Variants in CSGALNACT1 observed in about 807,000 individuals in gnomAD.
The protein encoded by CSGALNACT1 is chondroitin sulfate N-acetylgalactosaminyltransferase 1.
A neutral mutation model predicts 51.0 loss-of-function variants in CSGALNACT1; 52 were observed. That is an observed-to-expected ratio of 1.02 (90% CI 0.82 to 1.29). CSGALNACT1 has a LOEUF of 1.29. Among genes scored for constraint, CSGALNACT1 ranks in the 50% most tolerant of loss-of-function variants. The pLI is 0.00. For synonymous variants in CSGALNACT1, 341 were observed against 254.4 expected (o/e 1.34, Z -3.24); for missense variants, 935 against 679.2 (o/e 1.38, Z -4.19).
At chr8:19,503,362 G>A (rs112964802) in intron 4 of CSGALNACT1, among the ~76,000 whole-genome samples, 4 of 152,184 alleles carry the variant, frequency 2.6e-5, no homozygotes, top group Non-Finnish European at 5.9e-5. Context: ...CAAGAGGCTG[G>A]TGTCACTGCT....
At chr8:19,415,851 G>A (rs4617172) in intron 8 of CSGALNACT1, among the ~76,000 whole-genome samples, 77,659 of 152,060 alleles carry the variant, frequency 0.51, 20,437 homozygotes, top group East Asian at 0.83. Context: ...GAAAGGAAGC[G>A]AGAAGTTTCT....
At chr8:19,429,068 C>T (rs2059258293) in intron 6 of CSGALNACT1, among the ~76,000 whole-genome samples, 1 of 152,110 alleles carries the variant, frequency 6.6e-6, no homozygotes. Flanking sequence ...GTTCTAATCC[C>T]CTCATATCCC....
chr8:19,618,636 AAAAAAAAAAAAAAAAAAAAAG>A (rs2053380744), intron 1 of CSGALNACT1, among the ~76,000 whole-genome samples: 1 of 129,892 alleles, frequency 7.7e-6, no homozygotes, highest in African/African-American at 3.7e-5. Context: ...CATCAAAAAA[AAAAAAAAAAAAAAAAAAAAAG>A]AAAGAAAGAA....
intron 1 of CSGALNACT1, among the ~76,000 whole-genome samples, chr8:19,627,258 C>G (rs1323067283): frequency 6.6e-6 from 1 of 152,090 alleles, no homozygotes; most frequent in Non-Finnish European, 1.5e-5. Flanking sequence ...ATGGATGGAT[C>G]TCAAGATTAT....
intron 3 of CSGALNACT1, among the ~76,000 whole-genome samples, chr8:19,521,139 A>G (rs775261316): frequency 2.0e-4 from 30 of 152,162 alleles, no homozygotes; most frequent in Non-Finnish European, 3.5e-4. Context: ...ATGAAATTTC[A>G]TCCTATAGGT....
At chr8:19,729,681 A>G (rs1201075027) in intron 1 of CSGALNACT1, among the ~76,000 whole-genome samples, 1 of 152,194 alleles carries the variant, frequency 6.6e-6, no homozygotes, top group Non-Finnish European at 1.5e-5. Context: ...CCTGGCCCAG[A>G]AATAATCTGC....
intron 7 of CSGALNACT1, among the ~76,000 whole-genome samples, 166 bp downstream of exon 6, chr8:19,420,174 C>T (rs1411391597): frequency 6.6e-6 from 1 of 152,160 alleles, no homozygotes; most frequent in Non-Finnish European, 1.5e-5. Context: ...TCTTTATTAG[C>T]CGCGTGAGAA....
chr8:19,531,052 T>C (rs1474013489), intron 3 of CSGALNACT1, among the ~76,000 whole-genome samples: 1 of 151,640 alleles, frequency 6.6e-6, no homozygotes, highest in Admixed American at 6.5e-5. Context: ...CGTGGTTTCT[T>C]GCTAAGGCTT....
At chr8:19,560,583 A>T (rs1261166160) in intron 3 of CSGALNACT1, among the ~76,000 whole-genome samples, 1 of 152,228 alleles carries the variant, frequency 6.6e-6, no homozygotes, top group African/African-American at 2.4e-5. Context: ...CTTCACACAC[A>T]CAAGGGGAAA....
Position 19,458,035 on chromosome 8 carries a change from G to T in CSGALNACT1, c.851+391C>A, listed in dbSNP as rs549842518. 7.5e-4 allele frequency among the ~76,000 whole-genome samples: 114 copies of T among 152,314 alleles called. 1 individual carries two copies. The highest frequency in any genetic ancestry group is 2.6e-3 in the African/African-American group (106 of 41,562). On this transcript the variant is annotated intron_variant, in intron 5 of 9. Coordinates refer to ENST00000454498, the Ensembl canonical transcript of CSGALNACT1. ...CTTGCATAGCTCGCCAACTGTCAAC[G>T]TGGGCTCTGCCACCACCAGCTCCTC... is the stretch of plus-strand genomic sequence containing the variant.
At chr8:19,646,256 G>T (rs998409913) in intron 1 of CSGALNACT1, among the ~76,000 whole-genome samples, 5 of 152,328 alleles carry the variant, frequency 3.3e-5, no homozygotes, top group African/African-American at 7.2e-5. Context: ...GATCGTAAGA[G>T]AATTAGACAA....
At chr8:19,538,926 A>G (rs972910896) in intron 3 of CSGALNACT1, among the ~76,000 whole-genome samples, 2 of 152,066 alleles carry the variant, frequency 1.3e-5, no homozygotes, top group African/African-American at 4.8e-5. Flanking sequence ...TCATCCTGAG[A>G]TGTTGTCCCT....
At chr8:19,474,502 T>A (rs1004560251) in intron 4 of CSGALNACT1, among the ~76,000 whole-genome samples, 4 of 152,074 alleles carry the variant, frequency 2.6e-5, no homozygotes, top group African/African-American at 9.7e-5. Context: ...AAAGCCCAGA[T>A]GATAGTGAAT....
intron 3 of CSGALNACT1, among the ~76,000 whole-genome samples, chr8:19,589,807 C>T (rs974331808): frequency 1.3e-5 from 2 of 152,082 alleles, no homozygotes; most frequent in Non-Finnish European, 2.9e-5. Flanking sequence ...CTTCTAATGC[C>T]TGAAGTGGAT....
intron 6 of CSGALNACT1, among the ~76,000 whole-genome samples, chr8:19,433,223 G>A (rs1458794938): frequency 6.6e-6 from 1 of 152,168 alleles, no homozygotes; most frequent in Admixed American, 6.5e-5. Context: ...TGATTTCGCT[G>A]AGGGATTCTG....
chr8:19,548,457 T>C (rs1441038271), intron 3 of CSGALNACT1, among the ~76,000 whole-genome samples: 1 of 152,214 alleles, frequency 6.6e-6, no homozygotes, highest in African/African-American at 2.4e-5. Flanking sequence ...TCTCAAGTAT[T>C]ATTTTTAAAA....
At chr8:19,640,310 T>C (rs2056591997) in intron 1 of CSGALNACT1, among the ~76,000 whole-genome samples, 1 of 152,198 alleles carries the variant, frequency 6.6e-6, no homozygotes, top group Admixed American at 6.5e-5. Flanking sequence ...AAAATGACTA[T>C]GCAACAAATT....
At chr8:19,633,152 C>T (rs117779957) in intron 1 of CSGALNACT1, among the ~76,000 whole-genome samples, 2,833 of 152,088 alleles carry the variant, frequency 0.019, 41 homozygotes, top group Non-Finnish European at 0.028. Flanking sequence ...CAGTGAGGGA[C>T]CTCTGGCACA....
At chr8:19,405,451 T>C (rs1043969342) in exon 10 of CSGALNACT1, 16 of 503,298 alleles carry the variant, frequency 3.2e-5, no homozygotes, top group Non-Finnish European at 5.8e-5. Flanking sequence ...TCTTAAATCA[T>C]GAATATTTCA....
Sources: allele counts gnomAD v4.1 joint callset (sites outside exome capture counted in the v4.1 genomes callset), GRCh38; gene constraint gnomAD v4.1.1; transcripts MANE v1.5; gene names NCBI Gene and HGNC (gene_info 2026-07-23, HGNC 2026-07-21).